The following P2RX7 variants were observed in gnomAD, a reference collection of about 807,000 sequenced individuals.
P2RX7 encodes purinergic receptor P2X 7.
A neutral mutation model predicts 71.6 loss-of-function variants in P2RX7; 62 were observed. The ratio of observed to expected loss-of-function variants is 0.87; its 90% CI spans 0.71 to 1.07. The LOEUF is 1.07. Ranked by LOEUF, P2RX7 falls within the 50% of genes least tolerant of loss-of-function variation. The probability of loss-of-function intolerance (pLI) is 0.00; values close to 1 mark genes in which losing one functional copy is unlikely to be tolerated. For missense variants in P2RX7, 686 were observed against 748.5 expected, an observed-to-expected ratio of 0.92 and a Z score of 0.97; for synonymous variants, 299 against 283.3, an observed-to-expected ratio of 1.06 and a Z score of -0.56.
At chr12:121,169,642 A>T (rs1881774460) in intron 8 of P2RX7, among the ~76,000 whole-genome samples, 1 of 152,164 alleles carries the variant, frequency 6.6e-6, no homozygotes, top group Non-Finnish European at 1.5e-5. Flanking sequence ...GCGGTGGCTT[A>T]TGCCTGTAAT....
chr12:121,147,221 T>C (rs113992740), intron 1 of P2RX7, among the ~76,000 whole-genome samples: 4,627 of 152,314 alleles, frequency 0.03, 228 homozygotes, highest in African/African-American at 0.1. Flanking sequence ...GTGCTGCTAT[T>C]TACCATGTGA....
chr12:121,177,280 G>C lies in P2RX7; in HGVS notation c.1039-17G>C. On this transcript the variant is annotated splice_polypyrimidine_tract_variant and intron_variant, in intron 10 of 12. Transcript: ENST00000328963. ...GAAGGAAGTGACTAACGCAGCGCTT[G>C]TCTGCATTCTCCCCAGGCCGCTGTG... 1 of 1,614,126 alleles carries C rather than the reference G, an allele frequency of 6.2e-7. No homozygotes were observed. Among genetic ancestry groups the C allele is most frequent in the Non-Finnish European group, 8.5e-7 (1 of 1,180,030 alleles).
In P2RX7 at chr12:121,167,505, T is replaced by G; in HGVS notation, c.762T>G (p.Ile254Met). The stretch of plus-strand genomic sequence containing the variant: ...TCCTTCAGGGCGGAATAATGGGCAT[T>G]GAGATCTACTGGGACTGCAACCTAG... Reference protein sequence around the residue: ...DVAIQGGIMGIEIYWDCNLDR... With the variant: ...DVAIQGGIMGMEIYWDCNLDR... The change falls in exon 8 of 13, where the codon ATT becomes ATG. Residue 254 changes from isoleucine (I) to methionine (M), a missense_variant. Coordinates refer to ENST00000328963, the MANE Select transcript of P2RX7 (RefSeq NM_002562.6). The G allele has an allele frequency of 1.9e-6, 3 of 1,613,922 alleles. No individual in the cohort carries two copies. Among genetic ancestry groups the G allele is most frequent in the South Asian group, 1.1e-5 (1 of 91,070 alleles).
intron 9 of P2RX7, 47 bp from the exon 10 acceptor site, chr12:121,177,100 C>G (rs748540976): frequency 6.5e-7 from 1 of 1,532,674 alleles, no homozygotes; most frequent in Admixed American, 1.7e-5. Flanking sequence ...AGCAAAAGAG[C>G]GTTGCTCTGA....
chr12:121,155,854 A>G (rs1460437493), intron 2 of P2RX7, among the ~76,000 whole-genome samples: 1 of 152,174 alleles, frequency 6.6e-6, no homozygotes, highest in African/African-American at 2.4e-5. Flanking sequence ...TGCATTGGTA[A>G]ATGACTCTTC....
chr12:121,184,348 C>G lies in P2RX7; in HGVS notation c.1334C>G (p.Ala445Gly). Reference sequence around the variant, plus strand: ...ACAGATTTGTCCAGGCTGCCCCTGGCCCTCCATGACACACCCCCGATTCCT... The same window carrying G: ...ACAGATTTGTCCAGGCTGCCCCTGGGCCTCCATGACACACCCCCGATTCCT... ...DFTDLSRLPL[A>G]LHDTPPIPGQ... Residue 445 changes from alanine to glycine, a missense_variant, in exon 13 of 13, where the codon GCC becomes GGC. Coordinates refer to ENST00000328963, the MANE Select transcript of P2RX7 (RefSeq NM_002562.6). 2 of 1,613,552 alleles carry G rather than the reference C, an allele frequency of 1.2e-6. No individual in the cohort carries two copies. Among genetic ancestry groups the G allele is most frequent in the South Asian group, 1.1e-5 (1 of 91,044 alleles).
At chr12:121,168,629 C>A (rs1402035616) in intron 8 of P2RX7, among the ~76,000 whole-genome samples, 1 of 152,102 alleles carries the variant, frequency 6.6e-6, no homozygotes, top group Non-Finnish European at 1.5e-5. Context: ...TCCCAACAAC[C>A]CTGGAAGGAA....
chr12:121,166,207 C>A lies in P2RX7; in HGVS notation c.744+20C>A. 1.2e-6 allele frequency: 2 copies of A among 1,608,740 alleles called. No homozygotes were observed. The highest frequency in any genetic ancestry group is 1.1e-5 in the South Asian group (1 of 90,502). On this transcript the variant is annotated intron_variant, in intron 7 of 12. Transcript: ENST00000328963. ...ATTCAGGTTGGTGGTGCTTTGTACA[C>A]TGGGATGTGGGGCTGTGTGTCTAGG...
chr12:121,180,995 A>G (rs1207097489), intron 12 of P2RX7, among the ~76,000 whole-genome samples: 1 of 152,056 alleles, frequency 6.6e-6, no homozygotes, highest in Non-Finnish European at 1.5e-5. Flanking sequence ...GTATATTCTT[A>G]AATTACAAAC....
intron 1 of P2RX7, among the ~76,000 whole-genome samples, chr12:121,152,422 G>A (rs574218012): frequency 1.8e-4 from 27 of 152,080 alleles, no homozygotes; most frequent in African/African-American, 2.2e-4. Flanking sequence ...TTGACCTCCC[G>A]GGCCCAAGCA....
chr12:121,163,357 CG>C (rs1880212457), intron 5 of P2RX7, among the ~76,000 whole-genome samples: 4 of 79,840 alleles, frequency 5.0e-5, no homozygotes, highest in Non-Finnish European at 8.8e-5. Flanking sequence ...CACACACACA[CG>C]CACACACACA....
intron 1 of P2RX7, among the ~76,000 whole-genome samples, chr12:121,140,851 T>C (rs939320193): frequency 1.3e-5 from 2 of 152,148 alleles, no homozygotes. Flanking sequence ...ACTGGGAGGC[T>C]GAAGCAGGTG....
chr12:121,159,994 C>T (rs1217646173), intron 3 of P2RX7, among the ~76,000 whole-genome samples: 1 of 152,158 alleles, frequency 6.6e-6, no homozygotes, highest in Non-Finnish European at 1.5e-5. Context: ...ACCATAAACC[C>T]CACCATTTTA....
In P2RX7 at chr12:121,171,854, CTTTCTTTCTT is replaced by C. The variant is rs1322882184; in HGVS notation, c.882-3530_882-3521del. 8.6e-5 allele frequency among the ~76,000 whole-genome samples: 12 copies of C among 139,408 alleles called. 1 individual carries two copies. In the East Asian group the frequency reaches 2.4e-3, roughly 28 times the overall value. The allele number at this position is 139,408 out of a possible 152,430, so 91.5% of individuals were successfully genotyped here. A position where few individuals can be genotyped will look rare whatever the true frequency, so the allele number is the denominator to read the frequency against. ...CTGAACACACTCACCCCAAGTGATTCTTTCTTTCTTTTTTTTTTTTTTTTTGAGATGGAGT... is the reference window on the plus strand; with the variant it reads ...CTGAACACACTCACCCCAAGTGATTCTTTTTTTTTTTTTTTGAGATGGAGT... On this transcript the variant is annotated intron_variant, in intron 8 of 12. Transcript: ENST00000328963.
intron 12 of P2RX7, among the ~76,000 whole-genome samples, chr12:121,180,817 G>A (rs1399351312): frequency 1.3e-5 from 2 of 152,062 alleles, no homozygotes; most frequent in Non-Finnish European, 2.9e-5. Flanking sequence ...ACAAAAATTA[G>A]CCGGGTGGTG....
chr12:121,151,137 T>A (rs1205669340), intron 1 of P2RX7, among the ~76,000 whole-genome samples: 1 of 152,128 alleles, frequency 6.6e-6, no homozygotes, highest in Non-Finnish European at 1.5e-5. Context: ...GATGGGAGGA[T>A]CACTTGAGCC....
chr12:121,168,271 TTTTC>T (rs1881518327), intron 8 of P2RX7, among the ~76,000 whole-genome samples: 1 of 149,542 alleles, frequency 6.7e-6, no homozygotes, highest in African/African-American at 2.4e-5. Flanking sequence ...TTTTCTTTTC[TTTTC>T]TTTTCTTTTT....
At chr12:121,136,127 G>A (rs1873595017) in intron 1 of P2RX7, among the ~76,000 whole-genome samples, 1 of 133,830 alleles carries the variant, frequency 7.5e-6, no homozygotes, top group Non-Finnish European at 1.6e-5. Context: ...ATATTTATAT[G>A]TATTTTATAT....
At chr12:121,174,599 A>C (rs1434048864) in intron 8 of P2RX7, among the ~76,000 whole-genome samples, 1 of 152,186 alleles carries the variant, frequency 6.6e-6, no homozygotes, top group Non-Finnish European at 1.5e-5. Context: ...AGGCATACAC[A>C]GAATCTAAGA....
Sources: gnomAD v4.1 joint callset for allele counts (sites outside exome capture counted in the v4.1 genomes callset) on GRCh38, gnomAD v4.1.1 for gene constraint, MANE v1.5 for transcripts, NCBI Gene and HGNC (gene_info 2026-07-23, HGNC 2026-07-21) for gene names.